The following PLA2G7 variants were observed in gnomAD, a reference collection of about 807,000 sequenced individuals.
PLA2G7 encodes the protein platelet-activating factor acetylhydrolase.
In PLA2G7, 63 loss-of-function variants were observed where a neutral mutation model predicts 49.6. The observed-to-expected ratio is 1.27, with a 90% CI of 1.04 to 1.57. The LOEUF is 1.57. Among genes scored for constraint, PLA2G7 ranks in the 40% most tolerant of loss-of-function variants. The pLI is 0.00. For synonymous variants in PLA2G7, 193 were observed against 169.9 expected, an observed-to-expected ratio of 1.14 and a Z score of -1.06; for missense variants, 596 against 521.2, an observed-to-expected ratio of 1.14 and a Z score of -1.40.
At chr6:46,714,668 T>G in intron 4 of PLA2G7, 115 bp from the exon 5 acceptor site, 1 of 733,178 alleles carries the variant, frequency 1.4e-6, no homozygotes, top group Non-Finnish European at 2.5e-6. Context: ...TACTTTTTTA[T>G]GGATGAATAG....
chr6:46,711,558 T>A lies in PLA2G7; in HGVS notation c.601A>T (p.Lys201Ter), dbSNP rs1419138039. ...AGGGTTCTAAGGTAGAGCCAAGACTTGTCCCCTATTTCTGCAGCAGATTGG... is the reference window on the plus strand; with the variant it reads ...AGGGTTCTAAGGTAGAGCCAAGACTAGTCCCCTATTTCTGCAGCAGATTGG... ...KDQSAAEIGD[K>*]SWLYLRTLKQ... The change falls in exon 7 of 12, where the codon AAG becomes TAG. Residue 201 changes from lysine to a stop codon, truncating the protein, a stop_gained. Transcript: ENST00000274793. LOFTEE classifies it high-confidence loss of function. 2 of 1,613,752 alleles carry A rather than the reference T, an allele frequency of 1.2e-6. No individual in the cohort carries two copies. The highest frequency in any genetic ancestry group is 1.7e-6 in the Non-Finnish European group (2 of 1,179,644).
intron 2 of PLA2G7, among the ~76,000 whole-genome samples, chr6:46,717,877 C>T (rs1765270931): frequency 6.6e-6 from 1 of 151,864 alleles, no homozygotes; most frequent in East Asian, 1.9e-4. Context: ...GCCACCATGC[C>T]CAGCTAATTT....
chr6:46,708,241 A>G, intron 9 of PLA2G7, 80 bp from the exon 10 acceptor site: 1 of 1,055,638 alleles, frequency 9.5e-7, no homozygotes, highest in Non-Finnish European at 1.5e-6. Flanking sequence ...TAATGCTAGG[A>G]TTGGTGGACA....
chr6:46,711,754 CTTAAA>C, intron 6 of PLA2G7, 135 bp from the exon 7 acceptor site: 1 of 920,454 alleles, frequency 1.1e-6, no homozygotes, highest in East Asian at 2.4e-5. Flanking sequence ...TATATTTTCT[CTTAAA>C]TTAAAGAAGA....
chr6:46,711,550 C>T lies in PLA2G7; in HGVS notation c.609G>A (p.Trp203Ter), dbSNP rs570268514. ...QSAAEIGDKS[W>*]LYLRTLKQEE... ...CTTGTTTCAGGGTTCTAAGGTAGAG[C>T]CAAGACTTGTCCCCTATTTCTGCAG... The change falls in exon 7 of 12, where the codon TGG (tryptophan) becomes TGA (stop). Residue 203 changes from tryptophan to a stop codon, truncating the protein, a stop_gained. Transcript: ENST00000274793. LOFTEE classifies it high-confidence loss of function. 1.9e-6 allele frequency: 3 copies of T among 1,613,726 alleles called. No individual in the cohort carries two copies. Among genetic ancestry groups the T allele is most frequent in the South Asian group, 2.2e-5 (2 of 91,080 alleles).
chr6:46,717,996 G>A (rs887705185), intron 2 of PLA2G7, among the ~76,000 whole-genome samples: 19 of 152,118 alleles, frequency 1.2e-4, no homozygotes, highest in Non-Finnish European at 2.2e-4. Context: ...GTTTACAGGC[G>A]TGAACCACCA....
intron 1 of PLA2G7, among the ~76,000 whole-genome samples, chr6:46,726,117 T>C (rs1031518800): frequency 6.6e-6 from 1 of 152,178 alleles, no homozygotes; most frequent in Non-Finnish European, 1.5e-5. Context: ...GCAGCATTCC[T>C]TTTTCCAAGG....
chr6:46,715,173 T>A (rs1765164520), intron 4 of PLA2G7, among the ~76,000 whole-genome samples: 1 of 152,142 alleles, frequency 6.6e-6, no homozygotes, highest in African/African-American at 2.4e-5. Context: ...TTTGGAAAAA[T>A]TTTAAAGGGA....
chr6:46,723,318 A>G (rs928925774), intron 1 of PLA2G7, among the ~76,000 whole-genome samples: 4 of 152,164 alleles, frequency 2.6e-5, no homozygotes, highest in Admixed American at 2.6e-4. Context: ...TAATTCATAA[A>G]TTTTGGCTAT....
rs535181325 is a variant in PLA2G7 at position 46,705,699 on chromosome 6, G to A, written c.1041-398C>T. Among the ~76,000 whole-genome samples the A allele has an allele frequency of 6.7e-4, 102 of 152,336 alleles. No homozygotes were observed. In the South Asian group the frequency reaches 0.02, roughly 30 times the overall value. On this transcript the variant is annotated intron_variant, in intron 10 of 11. Transcript: ENST00000274793. ...TGAACGTGGTATGTATTTGATGCTA[G>A]TCACTTTAAATTTAAATCACTTTAG...
intron 1 of PLA2G7, among the ~76,000 whole-genome samples, chr6:46,726,421 T>C (rs1232713551): frequency 6.6e-6 from 1 of 152,170 alleles, no homozygotes; most frequent in East Asian, 1.9e-4. Flanking sequence ...AAAGTTCTCT[T>C]TACACAGATA....
chr6:46,730,597 C>A (rs1282190878), intron 1 of PLA2G7, among the ~76,000 whole-genome samples: 2 of 151,994 alleles, frequency 1.3e-5, no homozygotes, highest in Non-Finnish European at 2.9e-5. Flanking sequence ...CTGGACCATC[C>A]AAAGAAGGCA....
Position 46,705,233 on chromosome 6 carries a change from T to G in PLA2G7, c.1109A>C (p.Lys370Thr), listed in dbSNP as rs750607061. 24 of 1,610,126 alleles carry G rather than the reference T, an allele frequency of 1.5e-5. No individual in the cohort carries two copies. In the South Asian group the frequency reaches 2.3e-4, roughly 15 times the overall value. ...ATGKIIGHML[K>T]LKGDIDSNVA... ...ATTTGAATCTATGTCTCCCTTTAATTTGAGCATGTGTCCAATTATTTTGCC... is the reference window on the plus strand; with the variant it reads ...ATTTGAATCTATGTCTCCCTTTAATGTGAGCATGTGTCCAATTATTTTGCC... The change falls in exon 11 of 12, where the codon AAA becomes ACA. Residue 370 changes from lysine (K) to threonine (T), a missense_variant. Lys to Thr is a moderately conservative substitution (Grantham distance 78). Transcript: ENST00000274793.
intron 4 of PLA2G7, among the ~76,000 whole-genome samples, chr6:46,715,812 C>T (rs1234719888): frequency 6.6e-6 from 1 of 152,224 alleles, no homozygotes; most frequent in Middle Eastern, 3.4e-3. Context: ...TAACATCAGT[C>T]CAACAGTAGT....
At chr6:46,708,642 C>T (rs921156239) in intron 9 of PLA2G7, among the ~76,000 whole-genome samples, 4 of 152,084 alleles carry the variant, frequency 2.6e-5, no homozygotes, top group Admixed American at 2.0e-4. Flanking sequence ...ACATATGGAG[C>T]ATATCATTTG....
intron 4 of PLA2G7, 47 bp from the exon 5 acceptor site, chr6:46,714,600 C>T (rs1582570876): frequency 4.5e-6 from 5 of 1,108,990 alleles, no homozygotes. Context: ...CTGAGTGTTG[C>T]TAGTGAATTT....
At chr6:46,710,766 C>T in intron 7 of PLA2G7, 108 bp from the exon 8 acceptor site, 1 of 795,452 alleles carries the variant, frequency 1.3e-6, no homozygotes, top group Non-Finnish European at 2.2e-6. Context: ...CAGTTATAAA[C>T]TGGAAATCTG....
intron 1 of PLA2G7, among the ~76,000 whole-genome samples, chr6:46,725,279 T>A (rs1304831323): frequency 6.6e-6 from 1 of 152,070 alleles, no homozygotes; most frequent in African/African-American, 2.4e-5. Flanking sequence ...TCACCCAGGC[T>A]GGAATGCAGT....
intron 5 of PLA2G7, 124 bp downstream of exon 5, chr6:46,714,336 G>A (rs1400301948): frequency 2.6e-6 from 2 of 767,514 alleles, no homozygotes; most frequent in Admixed American, 1.8e-5. Flanking sequence ...GCCAATTATT[G>A]AGGAAACCCA....
Sources: allele counts gnomAD v4.1 joint callset (sites outside exome capture counted in the v4.1 genomes callset), GRCh38; gene constraint gnomAD v4.1.1; transcripts MANE v1.5; gene names NCBI Gene and HGNC (gene_info 2026-07-23, HGNC 2026-07-21).